XRN2: variants seen among roughly 807,000 people sequenced by gnomAD.
XRN2 encodes DHM1-like protein.
In XRN2, 44 loss-of-function variants were observed where a neutral mutation model predicts 138.5. The ratio of observed to expected loss-of-function variants is 0.32; its 90% CI spans 0.25 to 0.41. The LOEUF (loss-of-function observed/expected upper bound fraction) is 0.41, where lower values mean the gene tolerates loss of function less well. XRN2 is among the 10% of genes least tolerant of loss of function. The pLI is 1.00. For missense variants in XRN2, 937 were observed against 1,169.3 expected, an observed-to-expected ratio of 0.80 and a Z score of 2.90; for synonymous variants, 354 against 369.4, an observed-to-expected ratio of 0.96 and a Z score of 0.48.
chr20:21,388,608 G>A (rs540547709), intron 29 of XRN2, among the ~76,000 whole-genome samples: 2 of 152,152 alleles, frequency 1.3e-5, no homozygotes, highest in Non-Finnish European at 2.9e-5. Flanking sequence ...TGCTCTCTGG[G>A]TGGCAAAATG....
At chr20:21,309,854 T>C (rs982491402) in intron 1 of XRN2, among the ~76,000 whole-genome samples, 2 of 152,226 alleles carry the variant, frequency 1.3e-5, no homozygotes, top group African/African-American at 4.8e-5. Context: ...AATTCTACTT[T>C]CTTTGTTTTG....
chr20:21,328,231 C>T (rs746559412), intron 3 of XRN2, among the ~76,000 whole-genome samples: 9 of 152,134 alleles, frequency 5.9e-5, no homozygotes, highest in Non-Finnish European at 1.3e-4. Context: ...AGTGAGCTTT[C>T]TTTCTTGGGT....
chr20:21,328,404 A>G (rs1184484678), intron 3 of XRN2, among the ~76,000 whole-genome samples, 155 bp from the exon 4 acceptor site: 1 of 152,238 alleles, frequency 6.6e-6, no homozygotes, highest in Non-Finnish European at 1.5e-5. Flanking sequence ...AGTTCTCAGC[A>G]TCTGGTATCT....
At chr20:21,320,775 T>C (rs2038029668) in intron 1 of XRN2, among the ~76,000 whole-genome samples, 1 of 152,150 alleles carries the variant, frequency 6.6e-6, no homozygotes, top group Non-Finnish European at 1.5e-5. Context: ...TTTGTATTTT[T>C]AGTAGAGACG....
In XRN2 at chr20:21,340,789, A is replaced by G. The variant is rs746231324; in HGVS notation, c.1347A>G (p.Pro449=). The change falls in exon 15 of 30, where the codon CCA becomes CCG. Residue 449 remains proline (P), a synonymous_variant. Coordinates refer to ENST00000377191, the MANE Select transcript of XRN2 (RefSeq NM_012255.5). ...ATGCCTTGGGTTCAAGAAATTCACCAGGTTCTCAAGTAGCCAGTAATCCGA... is the reference window on the plus strand; with the variant it reads ...ATGCCTTGGGTTCAAGAAATTCACCGGGTTCTCAAGTAGCCAGTAATCCGA... The part of the protein sequence containing the change: ...TPHALGSRNS[P]GSQVASNPRQ... The G allele has an allele frequency of 7.4e-6, 12 of 1,614,046 alleles. No homozygotes were observed. The South Asian group carries it at 1.3e-4, about 18-fold the overall frequency.
rs911839996 is a variant in XRN2, at chr20:21,303,955, C to G, written c.75+482C>G. On this transcript the variant is annotated intron_variant, in intron 1 of 29. Coordinates refer to ENST00000377191, the MANE Select transcript of XRN2 (RefSeq NM_012255.5). ...CCTTTTCGTTGTTTACCAATTGTGC[C>G]GGAAAGGTTTTCTCCTAGTGTTCAG... 1.2e-5 allele frequency: 9 copies of G among 750,628 alleles called. No individual in the cohort carries two copies. The African/African-American group carries it at 1.7e-4, about 14-fold the overall frequency. 46.5% of individuals were successfully genotyped at this position (750,628 alleles called of 1,614,324 possible).
intron 27 of XRN2, among the ~76,000 whole-genome samples, chr20:21,371,314 T>G (rs186072466): frequency 6.6e-6 from 1 of 152,274 alleles, no homozygotes; most frequent in African/African-American, 2.4e-5. Flanking sequence ...GTATTCACTC[T>G]CTGTCTCTGT....
intron 1 of XRN2, among the ~76,000 whole-genome samples, chr20:21,324,636 C>T (rs995480115): frequency 6.6e-6 from 1 of 151,620 alleles, no homozygotes; most frequent in Non-Finnish European, 1.5e-5. Flanking sequence ...CTAAGTTGAT[C>T]TGTTTACTTG....
intron 13 of XRN2, among the ~76,000 whole-genome samples, chr20:21,335,949 A>T (rs1296754202): frequency 6.6e-6 from 1 of 152,174 alleles, no homozygotes; most frequent in Non-Finnish European, 1.5e-5. Flanking sequence ...CACCAGGGGA[A>T]ACCCTCAAAA....
At chr20:21,366,564 AAAAAAAAAAAGGG>A (rs1011124660) in intron 26 of XRN2, among the ~76,000 whole-genome samples, 8 of 150,428 alleles carry the variant, frequency 5.3e-5, no homozygotes, top group African/African-American at 1.9e-4. Flanking sequence ...TCTCAACCAA[AAAAAAAAAAAGGG>A]AAAAAAAGAA....
At chr20:21,326,168 G>T in intron 1 of XRN2, 111 bp from the exon 2 acceptor site, 1 of 1,057,958 alleles carries the variant, frequency 9.5e-7, no homozygotes, top group Non-Finnish European at 1.3e-6. Context: ...AAGGTTACTT[G>T]AAGTGTTTTA....
At chr20:21,339,169 A>G (rs2038338987) in intron 14 of XRN2, 81 bp downstream of exon 14, 1 of 1,415,638 alleles carries the variant, frequency 7.1e-7, no homozygotes, top group Admixed American at 1.9e-5. Flanking sequence ...CAGTAGCTTT[A>G]TTCCTTGTCC....
intron 1 of XRN2, among the ~76,000 whole-genome samples, chr20:21,317,184 A>G (rs555351006): frequency 6.6e-6 from 1 of 152,338 alleles, no homozygotes; most frequent in East Asian, 1.9e-4. Context: ...GAGGGAAAGC[A>G]TTTAGGCTTT....
intron 16 of XRN2, among the ~76,000 whole-genome samples, chr20:21,344,913 A>G (rs2038416984): frequency 6.6e-6 from 1 of 152,226 alleles, no homozygotes; most frequent in Non-Finnish European, 1.5e-5. Context: ...TAGCTCATTA[A>G]GAATTTAGGA....
At chr20:21,342,155 A>G (rs891815743) in intron 15 of XRN2, among the ~76,000 whole-genome samples, 1 of 152,202 alleles carries the variant, frequency 6.6e-6, no homozygotes, top group Admixed American at 6.5e-5. Flanking sequence ...TTTGAAGTCA[A>G]ATTACCAGTT....
At chr20:21,308,059 C>T in intron 1 of XRN2, among the ~76,000 whole-genome samples, 1 of 76,064 alleles carries the variant, frequency 1.3e-5, no homozygotes, top group African/African-American at 3.6e-5. Context: ...GCCTCAGCCT[C>T]CCAAGCAGCT....
intron 1 of XRN2, among the ~76,000 whole-genome samples, chr20:21,314,257 C>T (rs940441529): frequency 3.3e-5 from 5 of 152,156 alleles, no homozygotes; most frequent in Admixed American, 6.5e-5. Context: ...TGTAGCATGT[C>T]GCAGTACTTT....
At chr20:21,368,664 T>G in intron 27 of XRN2, 74 bp downstream of exon 27, 1 of 1,573,672 alleles carries the variant, frequency 6.4e-7, no homozygotes, top group Admixed American at 1.8e-5. Flanking sequence ...TAATCTTCTT[T>G]GCTGAAAAAG....
Position 21,378,906 on chromosome 20 carries a change from A to G in XRN2, c.2585-3088A>G, listed in dbSNP as rs575482237. On this transcript the variant is annotated intron_variant, in intron 27 of 29. Transcript: ENST00000377191. Reference sequence around the variant, plus strand: ...TTGGCTGATGAGTAATTGTCTGAGTACTGATAACTTGTTGGAATCGAGTGT... The same window carrying G: ...TTGGCTGATGAGTAATTGTCTGAGTGCTGATAACTTGTTGGAATCGAGTGT... Among the ~76,000 whole-genome samples the G allele has an allele frequency of 2.1e-4, 32 of 152,328 alleles. 1 individual carries two copies. Among genetic ancestry groups the G allele is most frequent in the Admixed American group, 1.4e-3 (22 of 15,304 alleles).
Sources: gnomAD v4.1 joint callset for allele counts (sites outside exome capture counted in the v4.1 genomes callset) on GRCh38, gnomAD v4.1.1 for gene constraint, MANE v1.5 for transcripts, NCBI Gene and HGNC (gene_info 2026-07-23, HGNC 2026-07-21) for gene names.